PCDHA8: variants seen among roughly 807,000 people sequenced by gnomAD.
The protein encoded by PCDHA8 is protocadherin alpha-8.
In PCDHA8, 53 loss-of-function variants were observed where a neutral mutation model predicts 61.8. That is an observed-to-expected ratio of 0.86 (90% confidence interval 0.69 to 1.08). The LOEUF (loss-of-function observed/expected upper bound fraction) is 1.08. Among genes scored for constraint, PCDHA8 ranks in the 50% least tolerant of loss-of-function variants. The pLI is 0.00. For missense variants in PCDHA8, 1,293 were observed against 1,245.0 expected (o/e 1.04, Z -0.58); for synonymous variants, 618 against 556.6 (o/e 1.11, Z -1.55).
intron 1 of PCDHA8, chr5:140,876,947 A>C: frequency 6.2e-7 from 1 of 1,613,496 alleles, no homozygotes; most frequent in Non-Finnish European, 8.5e-7. Flanking sequence ...CTGGTGTCCT[A>C]CTCGCTGGTG....
chr5:140,873,537 A>G, intron 1 of PCDHA8, among the ~76,000 whole-genome samples: 1 of 152,274 alleles, frequency 6.6e-6, no homozygotes, highest in Admixed American at 6.5e-5. Flanking sequence ...TCTATGGTAT[A>G]AAATTATAAT....
chr5:140,879,955 A>G (rs1554171094), intron 1 of PCDHA8, among the ~76,000 whole-genome samples: 1 of 152,206 alleles, frequency 6.6e-6, no homozygotes, highest in Non-Finnish European at 1.5e-5. Context: ...GCCCATCTGG[A>G]TAATCCAGGA....
At chr5:140,962,084 A>G (rs541325949) in intron 1 of PCDHA8, among the ~76,000 whole-genome samples, 1 of 152,028 alleles carries the variant, frequency 6.6e-6, no homozygotes, top group African/African-American at 2.4e-5. Flanking sequence ...ACGGGGTTTC[A>G]CCATGTTAGC....
chr5:140,969,117 A>G (rs1554231477), intron 1 of PCDHA8: 1 of 1,614,178 alleles, frequency 6.2e-7, no homozygotes, highest in Non-Finnish European at 8.5e-7. Context: ...GTTCGAGGGA[A>G]TGGCTCCCTC....
intron 3 of PCDHA8, among the ~76,000 whole-genome samples, chr5:141,001,306 A>C (rs1554258083): frequency 6.6e-6 from 1 of 152,174 alleles, no homozygotes; most frequent in African/African-American, 2.4e-5. Context: ...CAGAGATATG[A>C]AATAATTTGC....
In PCDHA8 at chr5:140,857,461, C is replaced by T. The variant is rs1554150068; in HGVS notation, c.2394+13746C>T. 9 of 1,598,524 alleles carry T rather than the reference C, an allele frequency of 5.6e-6. 1 individual carries two copies. Among genetic ancestry groups the T allele is most frequent in the Non-Finnish European group, 7.7e-6 (9 of 1,167,928 alleles). On this transcript the variant is annotated intron_variant, in intron 1 of 3. Transcript: ENST00000531613. ...TGAAGGAGAACAACCCGCCAGGCTG[C>T]CACATCTTCACGGTGTCTGCGTGGG...
chr5:140,917,324 C>CGGGGGGGGGGGG (rs1299895515), intron 1 of PCDHA8, among the ~76,000 whole-genome samples: 1 of 76,120 alleles, frequency 1.3e-5, no homozygotes, highest in African/African-American at 4.3e-5. Context: ...GTTCATGTGG[C>CGGGGGGGGGGGG]GGGGGAGGGG....
At chr5:140,951,312 A>G (rs1316911878) in intron 1 of PCDHA8, among the ~76,000 whole-genome samples, 1 of 152,146 alleles carries the variant, frequency 6.6e-6, no homozygotes, top group Non-Finnish European at 1.5e-5. Flanking sequence ...TTAATGTGTT[A>G]TTCTTGAGAT....
At chr5:140,884,318 G>A (rs1345534362) in intron 1 of PCDHA8, 1 of 1,613,692 alleles carries the variant, frequency 6.2e-7, no homozygotes, top group Non-Finnish European at 8.5e-7. Flanking sequence ...GAGGGCGTCG[G>A]CAGGCGCTGT....
Position 140,854,236 on chromosome 5 carries a change from A to C in PCDHA8, c.2394+10521A>C, listed in dbSNP as rs2043047042. 3.1e-6 allele frequency: 2 copies of C among 638,488 alleles called. 1 individual carries two copies. The highest frequency in any genetic ancestry group is 4.0e-5 in the African/African-American group (2 of 50,146). The allele number at this position is 638,488 out of a possible 1,614,324, so 39.6% of individuals were successfully genotyped here. On this transcript the variant is annotated intron_variant, in intron 1 of 3. Transcript: ENST00000531613. ...ATTGGACATCTACATTGGGATATTT[A>C]TGTTATCACTTGGTATAAAATGTAC... is the stretch of plus-strand genomic sequence containing the variant.
At chr5:140,912,908 A>T (rs986770915) in intron 1 of PCDHA8, among the ~76,000 whole-genome samples, 8 of 152,188 alleles carry the variant, frequency 5.3e-5, no homozygotes, top group African/African-American at 1.9e-4. Flanking sequence ...TATCATATTG[A>T]TTGATTTGTG....
intron 1 of PCDHA8, chr5:140,867,918 T>C (rs1236326427): frequency 6.6e-6 from 1 of 152,144 alleles, no homozygotes; most frequent in Non-Finnish European, 1.5e-5. Context: ...TAATTAAAAA[T>C]CACTTCCCTT....
chr5:140,974,350 C>A (rs555781549), intron 1 of PCDHA8, among the ~76,000 whole-genome samples: 1 of 152,186 alleles, frequency 6.6e-6, no homozygotes, highest in African/African-American at 2.4e-5. Context: ...GCATCCAGAA[C>A]TAAACAGACC....
intron 1 of PCDHA8, among the ~76,000 whole-genome samples, chr5:140,937,756 C>CA (rs2091723973): frequency 1.3e-5 from 2 of 151,360 alleles, no homozygotes; most frequent in African/African-American, 4.9e-5. Flanking sequence ...ACTAAAAATA[C>CA]AAAAAATTAG....
At chr5:140,951,047 A>T (rs2094543631) in intron 1 of PCDHA8, among the ~76,000 whole-genome samples, 1 of 151,878 alleles carries the variant, frequency 6.6e-6, no homozygotes, top group Non-Finnish European at 1.5e-5. Flanking sequence ...TTATATTTTT[A>T]TTGCTAAAAT....
intron 1 of PCDHA8, among the ~76,000 whole-genome samples, chr5:140,941,259 T>TTCTTTC (rs1554214225): frequency 1.2e-3 from 146 of 121,812 alleles, no homozygotes; most frequent in African/African-American, 3.7e-3. Flanking sequence ...TTCTTTCTCT[T>TTCTTTC]TCTTTCTTTC....
intron 1 of PCDHA8, chr5:140,870,291 G>A (rs372143455): frequency 3.2e-5 from 52 of 1,614,052 alleles, no homozygotes; most frequent in Non-Finnish European, 3.6e-5. Context: ...CCTTCAAGCT[G>A]GTGTCCACCT....
intron 1 of PCDHA8, among the ~76,000 whole-genome samples, chr5:140,961,071 G>GT (rs2095588240): frequency 6.6e-6 from 1 of 152,208 alleles, no homozygotes; most frequent in African/African-American, 2.4e-5. Flanking sequence ...GATATCTGGA[G>GT]TATCAAGTAA....
intron 1 of PCDHA8, among the ~76,000 whole-genome samples, chr5:140,907,687 G>A (rs1554193091): frequency 6.6e-6 from 1 of 152,220 alleles, no homozygotes; most frequent in East Asian, 1.9e-4. Context: ...GCCTTGGTGA[G>A]TGGAAGTCCC....
Sources: allele counts gnomAD v4.1 joint callset (sites outside exome capture counted in the v4.1 genomes callset), GRCh38; gene constraint gnomAD v4.1.1; transcripts MANE v1.5; gene names NCBI Gene and HGNC (gene_info 2026-07-23, HGNC 2026-07-21).